The following FAT3 variants were observed in gnomAD, a reference collection of about 807,000 sequenced individuals.
The protein encoded by FAT3 is FAT atypical cadherin 3, also known as protocadherin Fat 3.
Under a neutral mutation model 310.2 loss-of-function variants are expected in FAT3, and 95 were observed. The observed-to-expected ratio is 0.31, with a 90% CI of 0.26 to 0.36. The LOEUF (loss-of-function observed/expected upper bound fraction) is 0.36, where lower values mean the gene tolerates loss of function less well. Among genes scored for constraint, FAT3 ranks in the 10% least tolerant of loss-of-function variants. The pLI is 1.00. For missense variants in FAT3, 5,408 were observed against 5,715.6 expected (o/e 0.95, Z 1.74); for synonymous variants, 2,314 against 2,192.9 (o/e 1.06, Z -1.54).
chr11:92,801,403 C>T lies in FAT3; in HGVS notation c.8390C>T (p.Thr2797Ile), dbSNP rs779562653. 6.2e-6 allele frequency: 10 copies of T among 1,613,862 alleles called. No individual in the cohort carries two copies. In the South Asian group the frequency reaches 1.1e-4, roughly 18 times the overall value. ...IPLDKVDIVF[T>I]VDVDIKVLDL... is the part of the protein sequence containing the mutation. ...CTGGACAAAGTAGACATTGTGTTTACTGTGGATGTAGATATCAAGGTATTG... is the reference window on the plus strand; with the variant it reads ...CTGGACAAAGTAGACATTGTGTTTATTGTGGATGTAGATATCAAGGTATTG... Residue 2797 changes from threonine (T) to isoleucine (I), a missense_variant, in exon 10 of 28, where the codon ACT becomes ATT. Physicochemically the swap from Thr to Ile is moderately conservative, Grantham distance 89. This residue lies in a region of FAT3 where 4,588 missense variants were observed against 4,809.8 expected (regional missense o/e 0.95). Coordinates refer to ENST00000525166, the MANE Select transcript of FAT3 (RefSeq NM_001367949.2).
At chr11:92,667,410 C>T (rs944588663) in intron 3 of FAT3, among the ~76,000 whole-genome samples, 1 of 152,066 alleles carries the variant, frequency 6.6e-6, no homozygotes, top group Non-Finnish European at 1.5e-5. Flanking sequence ...ATAAACAAAA[C>T]ACAACGGAAA....
In FAT3 at chr11:92,267,356, G is replaced by A. The variant is rs149918301; in HGVS notation, c.-18+42182G>A. On this transcript the variant is annotated intron_variant, in intron 1 of 27. Transcript: ENST00000525166. ...AAACCTTTTCCCAGAAATCTAATTA[G>A]GTAATTAGTTCTGATTAGTTAACTT... Among the ~76,000 whole-genome samples the A allele has an allele frequency of 6.6e-4, 100 of 152,168 alleles. 1 individual carries two copies. In the East Asian group the frequency reaches 0.011, roughly 16 times the overall value.
At chr11:92,429,856 A>G (rs922697114) in intron 2 of FAT3, among the ~76,000 whole-genome samples, 7 of 151,978 alleles carry the variant, frequency 4.6e-5, no homozygotes, top group African/African-American at 1.7e-4. Flanking sequence ...TATGTGTTTT[A>G]GGGTTGCTCT....
chr11:92,848,782 C>T (rs553974267), intron 19 of FAT3, among the ~76,000 whole-genome samples: 1 of 152,360 alleles, frequency 6.6e-6, no homozygotes, highest in Admixed American at 6.5e-5. Context: ...GCCATGCCCT[C>T]AACCAGTGGG....
chr11:92,846,343 C>A (rs538449451), intron 19 of FAT3, among the ~76,000 whole-genome samples: 1 of 152,230 alleles, frequency 6.6e-6, no homozygotes, highest in Non-Finnish European at 1.5e-5. Flanking sequence ...CAGTTACTGC[C>A]CTTAGGAGCT....
intron 3 of FAT3, among the ~76,000 whole-genome samples, chr11:92,584,557 G>C (rs1939032433): frequency 6.6e-6 from 1 of 151,898 alleles, no homozygotes; most frequent in Admixed American, 6.6e-5. Context: ...TGTTGAGTTA[G>C]TGTTTCACTT....
chr11:92,804,754 C>T (rs979612999), intron 10 of FAT3, among the ~76,000 whole-genome samples: 3 of 152,158 alleles, frequency 2.0e-5, no homozygotes, highest in Non-Finnish European at 4.4e-5. Context: ...GCATAATCAA[C>T]GGCTAATGAA....
intron 4 of FAT3, among the ~76,000 whole-genome samples, chr11:92,706,439 G>T (rs1162747055): frequency 6.6e-6 from 1 of 152,042 alleles, no homozygotes; most frequent in Non-Finnish European, 1.5e-5. Context: ...GAGGAACAGT[G>T]GATTCTACCT....
intron 2 of FAT3, among the ~76,000 whole-genome samples, chr11:92,398,777 A>G (rs1949946213): frequency 6.6e-6 from 1 of 152,158 alleles, no homozygotes; most frequent in South Asian, 2.1e-4. Flanking sequence ...ATTCTATTCC[A>G]TTCCATTATT....
At chr11:92,718,906 C>T (rs1247937983) in intron 4 of FAT3, among the ~76,000 whole-genome samples, 2 of 152,168 alleles carry the variant, frequency 1.3e-5, no homozygotes, top group Admixed American at 6.5e-5. Flanking sequence ...TGCTCTGCAT[C>T]TCCTAACAGT....
chr11:92,810,159 C>T, intron 13 of FAT3, 83 bp downstream of exon 13: 1 of 1,235,236 alleles, frequency 8.1e-7, no homozygotes. Context: ...TTATAAGAAC[C>T]TTAATCAACC....
chr11:92,493,188 C>T (rs1423619458), intron 2 of FAT3, among the ~76,000 whole-genome samples: 4 of 151,918 alleles, frequency 2.6e-5, no homozygotes, highest in Non-Finnish European at 5.9e-5. Context: ...ATATTTTTTC[C>T]CCAATCCTAG....
intron 3 of FAT3, among the ~76,000 whole-genome samples, chr11:92,681,885 G>T (rs556306627): frequency 6.6e-6 from 1 of 152,332 alleles, no homozygotes; most frequent in South Asian, 2.1e-4. Flanking sequence ...ACAATGCAAA[G>T]CAAGCTTAGC....
chr11:92,736,275 A>G (rs532157672), intron 4 of FAT3, among the ~76,000 whole-genome samples: 23 of 152,090 alleles, frequency 1.5e-4, no homozygotes, highest in Non-Finnish European at 3.2e-4. Flanking sequence ...GCCACAGCCT[A>G]CCAGTTTTGG....
At chr11:92,761,315 TC>T (rs1431836556) in intron 4 of FAT3, among the ~76,000 whole-genome samples, 1 of 152,186 alleles carries the variant, frequency 6.6e-6, no homozygotes, top group Non-Finnish European at 1.5e-5. Flanking sequence ...AGGGCACTAA[TC>T]CCATTCATGA....
At chr11:92,584,822 A>T (rs750477767) in intron 3 of FAT3, among the ~76,000 whole-genome samples, 1 of 152,014 alleles carries the variant, frequency 6.6e-6, no homozygotes, top group Non-Finnish European at 1.5e-5. Flanking sequence ...ATCTTCAAGG[A>T]TTGAAAAAAA....
chr11:92,368,582 G>A (rs1949085756), intron 2 of FAT3, among the ~76,000 whole-genome samples: 1 of 152,078 alleles, frequency 6.6e-6, no homozygotes, highest in Admixed American at 6.5e-5. Flanking sequence ...CTAGTGACAA[G>A]TTTACATGTC....
At position 92,256,258 on chromosome 11, in the gene FAT3, G is replaced by A. The variant is rs1591014938; in HGVS notation, c.-18+31084G>A. 3.3e-5 allele frequency among the ~76,000 whole-genome samples: 5 copies of A among 152,124 alleles called. No homozygotes were observed. The South Asian group carries it at 1.0e-3, about 32-fold the overall frequency. On this transcript the variant is annotated intron_variant, in intron 1 of 27. Transcript: ENST00000525166. ...TCCAGGAGGCAAATGGGTGTCCAGA[G>A]AAGATCGCCCTTAAACGAGTATACA...
At chr11:92,579,721 C>A (rs935912838) in intron 3 of FAT3, among the ~76,000 whole-genome samples, 42 of 152,110 alleles carry the variant, frequency 2.8e-4, no homozygotes, top group African/African-American at 9.2e-4. Context: ...CTCCAGAATT[C>A]TGGCTGCCTT....
Sources: allele counts gnomAD v4.1 joint callset (sites outside exome capture counted in the v4.1 genomes callset), GRCh38; gene constraint gnomAD v4.1.1; regional missense constraint gnomAD v4.1.1; transcripts MANE v1.5; gene names NCBI Gene and HGNC (gene_info 2026-07-23, HGNC 2026-07-21).